Variants in NFIA observed in about 807,000 individuals in gnomAD.
The protein encoded by NFIA is nuclear factor 1 A-type.
In NFIA, 8 loss-of-function variants were observed where a neutral mutation model predicts 62.8. The observed-to-expected ratio is 0.13, with a 90% CI of 0.07 to 0.23. The LOEUF is 0.23. Ranked by LOEUF, NFIA falls within the 10% of genes least tolerant of loss-of-function variation. NFIA has a pLI of 1.00. For synonymous variants in NFIA, 235 were observed against 238.1 expected, an observed-to-expected ratio of 0.99 and a Z score of 0.12; for missense variants, 410 against 642.1, an observed-to-expected ratio of 0.64 and a Z score of 3.91.
intron 10 of NFIA, among the ~76,000 whole-genome samples, chr1:61,449,603 G>A (rs965616932): frequency 1.1e-4 from 16 of 152,204 alleles, no homozygotes; most frequent in Admixed American, 1.0e-3. Flanking sequence ...GAAAGCATTT[G>A]GCTTTGGGGG....
chr1:61,437,654 A>G (rs1436927001), intron 10 of NFIA, among the ~76,000 whole-genome samples: 1 of 152,244 alleles, frequency 6.6e-6, no homozygotes, highest in East Asian at 1.9e-4. Flanking sequence ...AAGTAATTGA[A>G]ATAGGTATAA....
At chr1:61,106,637 T>C (rs1315419769) in intron 2 of NFIA, among the ~76,000 whole-genome samples, 1 of 151,818 alleles carries the variant, frequency 6.6e-6, no homozygotes, top group Non-Finnish European at 1.5e-5. Context: ...ATTCTTTTAT[T>C]GTAACAAACA....
At chr1:61,426,217 G>A (rs534781194) in intron 9 of NFIA, among the ~76,000 whole-genome samples, 149 of 152,294 alleles carry the variant, frequency 9.8e-4, no homozygotes, top group African/African-American at 3.5e-3. Flanking sequence ...TATGGTAGAA[G>A]GAGAAAATAG....
At chr1:61,318,777 TCTC>T (rs1660507266) in intron 3 of NFIA, among the ~76,000 whole-genome samples, 2 of 152,150 alleles carry the variant, frequency 1.3e-5, no homozygotes, top group Admixed American at 6.6e-5. Flanking sequence ...GCCAGTTTCT[TCTC>T]CTTGTCCTTT....
At chr1:61,389,200 C>A (rs1664846702) in intron 7 of NFIA, among the ~76,000 whole-genome samples, 1 of 152,192 alleles carries the variant, frequency 6.6e-6, no homozygotes, top group Non-Finnish European at 1.5e-5. Context: ...TTCTCCTAGA[C>A]ATGTTTCAGT....
At chr1:61,200,037 T>C (rs1464067769) in intron 2 of NFIA, among the ~76,000 whole-genome samples, 4 of 45,186 alleles carry the variant, frequency 8.9e-5, no homozygotes, top group South Asian at 9.2e-4. Flanking sequence ...TATATATATA[T>C]ATATATATAT....
At chr1:61,081,759 T>C (rs938129015), upstream of NFIA, 17 of 1,030,408 alleles carry the variant, frequency 1.6e-5, no homozygotes, top group Non-Finnish European at 2.3e-5. Flanking sequence ...CACCCCCGCT[T>C]CTGAATGCCA....
intron 6 of NFIA, among the ~76,000 whole-genome samples, chr1:61,372,766 T>C (rs1257740230): frequency 6.6e-6 from 1 of 152,116 alleles, no homozygotes; most frequent in Non-Finnish European, 1.5e-5. Flanking sequence ...ATACATTTTG[T>C]TTTGCAAAAT....
chr1:61,417,414 A>G (rs917116062), intron 9 of NFIA, among the ~76,000 whole-genome samples: 1 of 150,848 alleles, frequency 6.6e-6, no homozygotes, highest in African/African-American at 2.4e-5. Flanking sequence ...ATTTTTACCT[A>G]TATTCTTACT....
At chr1:61,091,849 GTTTT>G (rs549619372) in intron 2 of NFIA, among the ~76,000 whole-genome samples, 1 of 142,050 alleles carries the variant, frequency 7.0e-6, no homozygotes, top group Non-Finnish European at 1.6e-5. Flanking sequence ...GAGAGTTGTT[GTTTT>G]TTTTTTTTTA....
intron 3 of NFIA, among the ~76,000 whole-genome samples, chr1:61,317,941 G>A (rs1660456970): frequency 3.3e-5 from 5 of 152,080 alleles, no homozygotes; most frequent in Admixed American, 3.3e-4. Flanking sequence ...TTTTACAGGT[G>A]TGGAAATTGA....
At chr1:61,176,136 C>T (rs1277280445) in intron 2 of NFIA, among the ~76,000 whole-genome samples, 1 of 152,086 alleles carries the variant, frequency 6.6e-6, no homozygotes, top group African/African-American at 2.4e-5. Context: ...CTGCCCAGGC[C>T]GAAGAGCAAG....
intron 3 of NFIA, among the ~76,000 whole-genome samples, chr1:61,308,245 G>A (rs1448332912): frequency 6.6e-6 from 1 of 152,192 alleles, no homozygotes; most frequent in East Asian, 1.9e-4. Context: ...AGTAATGGTA[G>A]AAAGCAGGTG....
At chr1:61,146,846 T>C (rs1648045587) in intron 2 of NFIA, among the ~76,000 whole-genome samples, 1 of 151,946 alleles carries the variant, frequency 6.6e-6, no homozygotes, top group Non-Finnish European at 1.5e-5. Flanking sequence ...TTTTTTTAAA[T>C]AGTTTTATGT....
chr1:61,414,406 C>T (rs1363817959), intron 9 of NFIA, among the ~76,000 whole-genome samples: 12 of 152,232 alleles, frequency 7.9e-5, no homozygotes, highest in African/African-American at 2.9e-4. Flanking sequence ...GTAACTTTCT[C>T]AAGGTCATTC....
chr1:61,171,611 T>C (rs902497085), intron 2 of NFIA, among the ~76,000 whole-genome samples: 24 of 152,198 alleles, frequency 1.6e-4, no homozygotes, highest in Non-Finnish European at 5.9e-5. Context: ...GGTAGGTCTT[T>C]CTTGAAGAAA....
At chr1:61,278,159 A>T (rs890975954) in intron 3 of NFIA, among the ~76,000 whole-genome samples, 1 of 152,240 alleles carries the variant, frequency 6.6e-6, no homozygotes, top group African/African-American at 2.4e-5. Flanking sequence ...ATAAATATCT[A>T]AATTTTCTGT....
intron 3 of NFIA, among the ~76,000 whole-genome samples, chr1:61,321,082 A>T (rs1325381198): frequency 2.0e-5 from 3 of 152,108 alleles, no homozygotes; most frequent in African/African-American, 7.3e-5. Context: ...CGGGTTAATT[A>T]AAAAATGTTA....
At chr1:61,442,768 T>C (rs915891494) in intron 10 of NFIA, among the ~76,000 whole-genome samples, 2 of 152,178 alleles carry the variant, frequency 1.3e-5, no homozygotes, top group African/African-American at 2.4e-5. Flanking sequence ...AAATTATCTC[T>C]TATGCAAATT....
Sources: allele counts gnomAD v4.1 joint callset (sites outside exome capture counted in the v4.1 genomes callset), GRCh38; gene constraint gnomAD v4.1.1; transcripts MANE v1.5; gene names NCBI Gene and HGNC (gene_info 2026-07-23, HGNC 2026-07-21).